Variants in RABGAP1L observed in about 807,000 individuals in gnomAD.
The protein encoded by RABGAP1L is RAB GTPase activating protein 1 like.
RABGAP1L carries 63 observed loss-of-function variants against 137.7 expected under a neutral mutation model. The observed-to-expected ratio is 0.46, with a 90% confidence interval of 0.37 to 0.56. The LOEUF (loss-of-function observed/expected upper bound fraction) is 0.56, where lower values mean the gene tolerates loss of function less well. RABGAP1L is among the 20% of genes least tolerant of loss of function. RABGAP1L has a pLI of 0.00. For missense variants in RABGAP1L, 1,095 were observed against 1,244.0 expected (o/e 0.88, Z 1.80); for synonymous variants, 431 against 433.7 (o/e 0.99, Z 0.08).
chr1:174,331,696 C>CT (rs1398849918), intron 11 of RABGAP1L, among the ~76,000 whole-genome samples: 4 of 151,924 alleles, frequency 2.6e-5, no homozygotes, highest in Non-Finnish European at 5.9e-5. Context: ...TATTGTTATA[C>CT]TTTAAGTTTT....
chr1:174,447,064 G>A (rs1354248568), intron 13 of RABGAP1L, among the ~76,000 whole-genome samples: 2 of 152,138 alleles, frequency 1.3e-5, no homozygotes, highest in Admixed American at 6.5e-5. Context: ...CCATTATAAG[G>A]AAGGTGGTAT....
At chr1:174,976,955 A>G (rs1670696794) in intron 22 of RABGAP1L, among the ~76,000 whole-genome samples, 1 of 152,248 alleles carries the variant, frequency 6.6e-6, no homozygotes, top group Non-Finnish European at 1.5e-5. Context: ...TCAGAGTTTC[A>G]TCACAAACAA....
intron 1 of RABGAP1L, among the ~76,000 whole-genome samples, chr1:174,194,301 C>T (rs1337356787): frequency 2.0e-5 from 3 of 148,368 alleles, no homozygotes; most frequent in Non-Finnish European, 3.0e-5. Flanking sequence ...ATAGCATGAT[C>T]TCAGGTCACT....
chr1:174,414,134 A>G (rs369230269), intron 13 of RABGAP1L, among the ~76,000 whole-genome samples: 2 of 152,098 alleles, frequency 1.3e-5, no homozygotes, highest in African/African-American at 4.8e-5. Flanking sequence ...TAGTAGCTAC[A>G]TATATTTCGT....
chr1:174,821,559 C>T (rs1558115681), intron 19 of RABGAP1L, among the ~76,000 whole-genome samples: 1 of 152,172 alleles, frequency 6.6e-6, no homozygotes. Context: ...CGAAGACCTC[C>T]ATATTCATAA....
At position 174,220,981 on chromosome 1, in the gene RABGAP1L, A is replaced by G. The variant is rs1163241779; in HGVS notation, c.148A>G (p.Asn50Asp). 15 of 1,608,566 alleles carry G rather than the reference A, an allele frequency of 9.3e-6. No homozygotes were observed. The highest frequency in any genetic ancestry group is 1.3e-5 in the Non-Finnish European group (15 of 1,177,368). ...EEKPQLKIVSNGDEQLEKAME... is the reference protein window; with the variant it reads ...EEKPQLKIVSDGDEQLEKAME... ...CTTGCTGTGTCTGTAGATAGTTTCT[A>G]ATGGTGATGAACAATTGGAAAAAGC... The change falls in exon 3 of 26, where the codon AAT (asparagine) becomes GAT (aspartate). Residue 50 changes from asparagine to aspartate, a missense_variant. By Grantham distance (23) the Asn-to-Asp change is conservative. Transcript: ENST00000681986.
chr1:174,442,862 TC>T (rs1654313366), intron 13 of RABGAP1L, among the ~76,000 whole-genome samples: 1 of 152,090 alleles, frequency 6.6e-6, no homozygotes, highest in South Asian at 2.1e-4. Flanking sequence ...CAACTTCTTT[TC>T]ATTCCTTTTT....
chr1:174,178,484 AT>A (rs1666073697), intron 1 of RABGAP1L, among the ~76,000 whole-genome samples: 1 of 152,186 alleles, frequency 6.6e-6, no homozygotes, highest in East Asian at 1.9e-4. Flanking sequence ...ATTACTGGGT[AT>A]ATACCCAAAG....
intron 13 of RABGAP1L, among the ~76,000 whole-genome samples, chr1:174,496,557 A>T (rs929452852): frequency 2.6e-5 from 4 of 152,236 alleles, no homozygotes; most frequent in Non-Finnish European, 5.9e-5. Context: ...TGAGGGCATC[A>T]GTAGTGGTTG....
intron 10 of RABGAP1L, among the ~76,000 whole-genome samples, chr1:174,296,464 T>C (rs1677137577): frequency 6.6e-6 from 1 of 152,250 alleles, no homozygotes; most frequent in Non-Finnish European, 1.5e-5. Context: ...AACATTCCAT[T>C]AAAATATGGA....
At chr1:174,423,113 C>T (rs981972310) in intron 13 of RABGAP1L, among the ~76,000 whole-genome samples, 1 of 151,852 alleles carries the variant, frequency 6.6e-6, no homozygotes, top group Non-Finnish European at 1.5e-5. Context: ...GTGTATTTCC[C>T]TTTTTTGAAA....
In RABGAP1L at chr1:174,275,899, C is replaced by T. The variant is rs1674958767; in HGVS notation, c.1120C>T (p.Pro374Ser). 6.2e-7 allele frequency: 1 copy of T among 1,612,580 alleles called. No individual in the cohort carries two copies. The change falls in exon 9 of 26, where the codon CCA (proline) becomes TCA (serine). Residue 374 changes from proline to serine, a missense_variant. By Grantham distance (74) the Pro-to-Ser change is moderately conservative. Coordinates refer to ENST00000681986, the MANE Select transcript of RABGAP1L (RefSeq NM_001366446.1). ...VITGMWNPNA[P>S]VFLALNEETP... ...CACTGGCATGTGGAACCCCAATGCA[C>T]CAGTATTTCTGGCACTTAACGAGGA...
chr1:174,185,367 G>T (rs1666719332), intron 1 of RABGAP1L, among the ~76,000 whole-genome samples: 1 of 152,166 alleles, frequency 6.6e-6, no homozygotes. Context: ...CTAAAGTACA[G>T]TGAAGGGTAA....
intron 13 of RABGAP1L, among the ~76,000 whole-genome samples, chr1:174,567,132 C>A (rs1473157055): frequency 6.6e-6 from 1 of 152,026 alleles, no homozygotes; most frequent in East Asian, 1.9e-4. Flanking sequence ...AACACTTTAT[C>A]ATTATCCCCA....
chr1:174,257,939 C>A (rs1021403781), intron 7 of RABGAP1L, among the ~76,000 whole-genome samples: 1 of 152,170 alleles, frequency 6.6e-6, no homozygotes, highest in African/African-American at 2.4e-5. Flanking sequence ...ACACTTGCAA[C>A]CTTGGACTCA....
chr1:174,884,343 A>G (rs1226471386), intron 19 of RABGAP1L, among the ~76,000 whole-genome samples: 1 of 152,236 alleles, frequency 6.6e-6, no homozygotes, highest in Non-Finnish European at 1.5e-5. Flanking sequence ...TTAAAAAACA[A>G]AATTCAGAGC....
intron 13 of RABGAP1L, among the ~76,000 whole-genome samples, chr1:174,409,245 A>G (rs1414462711): frequency 6.6e-6 from 1 of 152,190 alleles, no homozygotes; most frequent in Non-Finnish European, 1.5e-5. Flanking sequence ...CAAAATTAAT[A>G]CTTTTATAAT....
chr1:174,800,564 G>T (rs1008226475), intron 18 of RABGAP1L: 1 of 1,514,554 alleles, frequency 6.6e-7, no homozygotes, highest in African/African-American at 1.4e-5. Context: ...AAAATTCCTT[G>T]TATCTCTGAA....
At chr1:174,489,729 C>T (rs937081065) in intron 13 of RABGAP1L, among the ~76,000 whole-genome samples, 4 of 152,094 alleles carry the variant, frequency 2.6e-5, no homozygotes, top group East Asian at 3.8e-4. Context: ...CACGTGCACA[C>T]GTATGTTTAT....
Sources: allele counts gnomAD v4.1 joint callset (sites outside exome capture counted in the v4.1 genomes callset), GRCh38; gene constraint gnomAD v4.1.1; transcripts MANE v1.5; gene names NCBI Gene and HGNC (gene_info 2026-07-23, HGNC 2026-07-21).